Variants in CELF2 observed in about 807,000 individuals in gnomAD.
The protein encoded by CELF2 is CUGBP Elav-like family member 2, also known as CUG triplet repeat RNA-binding protein 2.
In CELF2, 8 loss-of-function variants were observed where a neutral mutation model predicts 62.6. The ratio of observed to expected loss-of-function variants is 0.13; its 90% CI spans 0.07 to 0.23. The LOEUF (loss-of-function observed/expected upper bound fraction) is 0.23, where lower values mean the gene tolerates loss of function less well. Among genes scored for constraint, CELF2 ranks in the 10% least tolerant of loss-of-function variants. The pLI, the probability that CELF2 is intolerant of heterozygous loss-of-function variation, is 1.00. For synonymous variants in CELF2, 258 were observed against 250.0 expected (o/e 1.03, Z -0.30); for missense variants, 333 against 671.0 (o/e 0.50, Z 5.56).
intron 1 of CELF2, among the ~76,000 whole-genome samples, chr10:10,898,335 T>C (rs567482716): frequency 6.6e-6 from 1 of 152,342 alleles, no homozygotes; most frequent in African/African-American, 2.4e-5. Context: ...CATAGGCCAA[T>C]ACCTTGATTT....
At chr10:10,487,043 G>A in the CELF2 span, among the ~76,000 whole-genome samples, 2 of 152,156 alleles carry the variant, frequency 1.3e-5, no homozygotes, top group Non-Finnish European at 2.9e-5. Flanking sequence ...CATAGAGAAT[G>A]TAGAAGCATT....
At chr10:10,978,025 T>G (rs996340404) in intron 2 of CELF2, among the ~76,000 whole-genome samples, 2 of 147,312 alleles carry the variant, frequency 1.4e-5, no homozygotes, top group Non-Finnish European at 3.0e-5. Flanking sequence ...TGGGTTTGGG[T>G]TTTTTTTTGT....
chr10:10,564,176 A>G, the CELF2 span, among the ~76,000 whole-genome samples: 1 of 152,210 alleles, frequency 6.6e-6, no homozygotes, highest in Non-Finnish European at 1.5e-5. Flanking sequence ...TTAAACTTGA[A>G]GACCTACTTA....
At chr10:10,756,769 T>G in the CELF2 span, among the ~76,000 whole-genome samples, 3,624 of 152,310 alleles carry the variant, frequency 0.024, 71 homozygotes, top group Non-Finnish European at 0.038. Flanking sequence ...TTAGTGCAAA[T>G]ATAAAGACTA....
In CELF2 at chr10:10,973,119, G is replaced by A. The variant is rs540809309; in HGVS notation, c.89+53120G>A. ...AGCCTGGCCAACATGTCAAAACCTCGTCTCTACTAAAAAATAAAAAATTAG... is the reference window on the plus strand; with the variant it reads ...AGCCTGGCCAACATGTCAAAACCTCATCTCTACTAAAAAATAAAAAATTAG... On this transcript the variant is annotated intron_variant, in intron 2 of 13. Coordinates refer to the CELF2 transcript ENST00000636488. Among the ~76,000 whole-genome samples, 14 of 136,178 alleles carry A rather than the reference G, an allele frequency of 1.0e-4. 1 individual carries two copies. In the South Asian group the frequency reaches 2.1e-3, roughly 21 times the overall value. The allele number at this position is 136,178 out of a possible 152,430, so 89.3% of individuals were successfully genotyped here.
intron 2 of CELF2, among the ~76,000 whole-genome samples, chr10:10,956,204 T>C (rs1300620713): frequency 2.0e-5 from 3 of 152,214 alleles, no homozygotes; most frequent in Non-Finnish European, 4.4e-5. Flanking sequence ...TTATTTTCCT[T>C]TATTGCTGCC....
chr10:11,072,976 CATTATAT>C (rs2070620013), intron 1 of CELF2, among the ~76,000 whole-genome samples: 1 of 151,712 alleles, frequency 6.6e-6, no homozygotes, highest in Non-Finnish European at 1.5e-5. Flanking sequence ...TATCCTATTA[CATTATAT>C]ATTATAAGTT....
chr10:10,845,733 C>T (rs1280016488), intron 1 of CELF2, among the ~76,000 whole-genome samples: 5 of 152,016 alleles, frequency 3.3e-5, no homozygotes, highest in Admixed American at 2.6e-4. Flanking sequence ...GTTTCATAAC[C>T]AAACTGTTGT....
At chr10:10,919,282 A>G (rs556925131) in intron 1 of CELF2, among the ~76,000 whole-genome samples, 1 of 151,994 alleles carries the variant, frequency 6.6e-6, no homozygotes, top group East Asian at 1.9e-4. Flanking sequence ...AAAAAAAAAG[A>G]AAGAAAGAAA....
intron 2 of CELF2, among the ~76,000 whole-genome samples, chr10:10,971,914 T>C (rs567618216): frequency 2.0e-5 from 3 of 152,166 alleles, no homozygotes; most frequent in Non-Finnish European, 4.4e-5. Flanking sequence ...TCTTCTTTTC[T>C]TTTTGTTTTT....
chr10:10,654,193 C>A, the CELF2 span, among the ~76,000 whole-genome samples: 129 of 131,042 alleles, frequency 9.8e-4, no homozygotes, highest in African/African-American at 3.0e-3. Context: ...CTGAATAGAC[C>A]AATAACAGGA....
chr10:10,681,689 G>T, the CELF2 span, among the ~76,000 whole-genome samples: 1 of 152,060 alleles, frequency 6.6e-6, no homozygotes, highest in African/African-American at 2.4e-5. Context: ...GCTAGATTTG[G>T]CCCATGAGCT....
rs1380682597 is a variant in CELF2 at position 10,958,352 on chromosome 10, GAACA to G, written c.89+38357_89+38360del. Among the ~76,000 whole-genome samples the G allele has an allele frequency of 2.6e-5, 4 of 152,154 alleles. No individual in the cohort carries two copies. The East Asian group carries it at 7.7e-4, about 29-fold the overall frequency. ...AACCACATTTTAAAAGGGGAAAATA[GAACA>G]AACGGTGGAGTCAGGGAGAGGGAAG... On this transcript the variant is annotated intron_variant, in intron 2 of 13. Coordinates refer to the CELF2 transcript ENST00000636488.
intron 2 of CELF2, among the ~76,000 whole-genome samples, chr10:11,181,732 C>G (rs556570158): frequency 1.3e-5 from 2 of 152,326 alleles, no homozygotes; most frequent in African/African-American, 4.8e-5. Context: ...AGTGTCTTGC[C>G]TTGGGGCTGT....
At chr10:11,180,727 A>G (rs754169386) in intron 2 of CELF2, among the ~76,000 whole-genome samples, 2 of 152,202 alleles carry the variant, frequency 1.3e-5, no homozygotes, top group Non-Finnish European at 2.9e-5. Flanking sequence ...CTGACTATAC[A>G]TTATCTTGTT....
chr10:10,506,646 A>G, the CELF2 span, among the ~76,000 whole-genome samples: 2 of 132,532 alleles, frequency 1.5e-5, no homozygotes, highest in African/African-American at 2.8e-5. Flanking sequence ...GCTACTATCT[A>G]CCACAGTTGT....
chr10:10,586,878 G>T, the CELF2 span, among the ~76,000 whole-genome samples: 2 of 152,068 alleles, frequency 1.3e-5, no homozygotes, highest in African/African-American at 4.8e-5. Flanking sequence ...GATTGTATAC[G>T]GCAGCTAGAA....
At chr10:10,629,862 A>G in the CELF2 span, among the ~76,000 whole-genome samples, 1 of 51,444 alleles carries the variant, frequency 1.9e-5, no homozygotes, top group Admixed American at 1.7e-4. Flanking sequence ...GCTGAAGACC[A>G]AAAAAAAAAA....
At chr10:10,694,646 T>C in the CELF2 span, among the ~76,000 whole-genome samples, 1 of 151,706 alleles carries the variant, frequency 6.6e-6, no homozygotes, top group South Asian at 2.1e-4. Flanking sequence ...TGTGGGAGTC[T>C]AAGTCTCTTT....
Sources: allele counts gnomAD v4.1 joint callset (sites outside exome capture counted in the v4.1 genomes callset), GRCh38; gene constraint gnomAD v4.1.1; transcripts MANE v1.5; gene names NCBI Gene and HGNC (gene_info 2026-07-23, HGNC 2026-07-21).